The following CNBD1 variants were observed in gnomAD, a reference collection of about 807,000 sequenced individuals.
CNBD1 encodes cyclic nucleotide binding domain containing 1, also known as cyclic nucleotide-binding domain-containing protein 1.
CNBD1 carries 71 observed loss-of-function variants against 54.4 expected under a neutral mutation model. The observed-to-expected ratio is 1.30, with a 90% CI of 1.08 to 1.59. CNBD1 has a LOEUF of 1.59. Ranked by LOEUF, CNBD1 falls within the 40% of genes most tolerant of loss-of-function variation. CNBD1 has a pLI of 0.00. For missense variants in CNBD1, 659 were observed against 518.0 expected (o/e 1.27, Z -2.64); for synonymous variants, 182 against 170.7 (o/e 1.07, Z -0.51).
At chr8:87,089,382 T>C (rs1019984412) in intron 4 of CNBD1, among the ~76,000 whole-genome samples, 4 of 151,998 alleles carry the variant, frequency 2.6e-5, no homozygotes, top group African/African-American at 9.7e-5. Flanking sequence ...TAGAAAAAAA[T>C]CTAATGATGT....
intron 2 of CNBD1, among the ~76,000 whole-genome samples, chr8:87,393,362 A>G (rs369754871): frequency 6.6e-6 from 1 of 151,906 alleles, no homozygotes; most frequent in Non-Finnish European, 1.5e-5. Flanking sequence ...ATTAGATAAG[A>G]TGTGACCAAG....
At chr8:87,155,446 A>T (rs1449646035) in intron 4 of CNBD1, among the ~76,000 whole-genome samples, 5 of 152,220 alleles carry the variant, frequency 3.3e-5, no homozygotes, top group Non-Finnish European at 7.3e-5. Context: ...AATCCAGACA[A>T]GAATTAATCA....
In CNBD1 at chr8:87,338,997, G is replaced by A. The variant is rs1810009775; in HGVS notation, c.1043-12688G>A. Among the ~76,000 whole-genome samples, 4 of 152,026 alleles carry A rather than the reference G, an allele frequency of 2.6e-5. No homozygotes were observed. The South Asian group carries it at 8.3e-4, about 31-fold the overall frequency. On this transcript the variant is annotated intron_variant, in intron 8 of 10. Coordinates refer to ENST00000518476, the MANE Select transcript of CNBD1 (RefSeq NM_173538.3). ...TCACAGTTTTCTCTTCCTTTAGGTGGGACCAGAGGCCTAAAATGGGCTACA... is the reference window on the plus strand; with the variant it reads ...TCACAGTTTTCTCTTCCTTTAGGTGAGACCAGAGGCCTAAAATGGGCTACA...
At chr8:86,943,309 G>T (rs1490637272) in intron 4 of CNBD1, among the ~76,000 whole-genome samples, 1 of 145,232 alleles carries the variant, frequency 6.9e-6, no homozygotes, top group East Asian at 2.0e-4. Context: ...AACGCGGGAG[G>T]CGAGCCGAGA....
At chr8:87,420,329 C>G (rs1318043249) in intron 2 of CNBD1, among the ~76,000 whole-genome samples, 1 of 151,894 alleles carries the variant, frequency 6.6e-6, no homozygotes, top group East Asian at 1.9e-4. Flanking sequence ...TCCTGTAGAT[C>G]GATTTGACAT....
chr8:87,021,012 G>A (rs117210501), intron 4 of CNBD1, among the ~76,000 whole-genome samples: 5,807 of 152,240 alleles, frequency 0.038, 134 homozygotes, highest in Non-Finnish European at 0.054. Flanking sequence ...ACCAGAAAAT[G>A]TTCAAATTTC....
At chr8:87,069,055 G>A (rs1274418928) in intron 4 of CNBD1, among the ~76,000 whole-genome samples, 1 of 152,034 alleles carries the variant, frequency 6.6e-6, no homozygotes, top group Non-Finnish European at 1.5e-5. Flanking sequence ...ACAAGTCTTT[G>A]TTTCTATAAA....
intron 6 of CNBD1, among the ~76,000 whole-genome samples, chr8:87,277,902 C>T (rs1167829447): frequency 6.6e-6 from 1 of 151,500 alleles, no homozygotes; most frequent in Non-Finnish European, 1.5e-5. Flanking sequence ...GAAACAAACA[C>T]ACAGGTAATT....
At chr8:86,897,221 A>G (rs1308550741) in intron 2 of CNBD1, among the ~76,000 whole-genome samples, 1 of 152,232 alleles carries the variant, frequency 6.6e-6, no homozygotes, top group Non-Finnish European at 1.5e-5. Flanking sequence ...CCCGCAAATT[A>G]TATAGCTGGT....
chr8:87,343,496 A>T (rs6468778), intron 8 of CNBD1, among the ~76,000 whole-genome samples: 1 of 152,176 alleles, frequency 6.6e-6, no homozygotes, highest in African/African-American at 2.4e-5. Flanking sequence ...CGGTCCCTCC[A>T]TTCGGGGTCC....
chr8:87,089,578 G>T (rs954586970), intron 4 of CNBD1, among the ~76,000 whole-genome samples: 2 of 152,082 alleles, frequency 1.3e-5, no homozygotes, highest in Non-Finnish European at 2.9e-5. Flanking sequence ...TTTAAGGAAG[G>T]TTGGAAGACG....
intron 4 of CNBD1, among the ~76,000 whole-genome samples, chr8:86,944,327 A>G (rs1416672844): frequency 3.3e-5 from 5 of 152,218 alleles, no homozygotes; most frequent in African/African-American, 1.2e-4. Context: ...GTGGGAACAC[A>G]CAATATCTTT....
At chr8:86,913,942 T>C (rs1325018639) in intron 3 of CNBD1, among the ~76,000 whole-genome samples, 1 of 152,082 alleles carries the variant, frequency 6.6e-6, no homozygotes, top group African/African-American at 2.4e-5. Context: ...TAATTATTAA[T>C]ATTCCTTACT....
intron 4 of CNBD1, among the ~76,000 whole-genome samples, chr8:86,974,639 A>C (rs890373606): frequency 6.6e-6 from 1 of 152,044 alleles, no homozygotes; most frequent in Non-Finnish European, 1.5e-5. Flanking sequence ...TTAAATTTAA[A>C]GGTGAGAAGC....
chr8:87,362,847 T>C (rs1810551105), intron 10 of CNBD1, among the ~76,000 whole-genome samples: 1 of 152,058 alleles, frequency 6.6e-6, no homozygotes, highest in South Asian at 2.1e-4. Context: ...ATCAATCTTA[T>C]GGAGTTCATT....
chr8:87,046,383 C>A (rs1254355023), intron 4 of CNBD1, among the ~76,000 whole-genome samples: 1 of 152,146 alleles, frequency 6.6e-6, no homozygotes, highest in African/African-American at 2.4e-5. Context: ...AAGTAATAGA[C>A]CTCTGTGTTT....
chr8:87,165,661 T>C (rs986760556), intron 4 of CNBD1, among the ~76,000 whole-genome samples: 4 of 151,942 alleles, frequency 2.6e-5, no homozygotes, highest in African/African-American at 9.7e-5. Flanking sequence ...AGTGATTTTC[T>C]AGTAGGCGCA....
chr8:87,219,635 G>A (rs765389077), intron 5 of CNBD1, among the ~76,000 whole-genome samples: 3 of 151,908 alleles, frequency 2.0e-5, no homozygotes, highest in Non-Finnish European at 4.4e-5. Context: ...TACAGACTTG[G>A]AGCTTAGCTG....
chr8:87,240,090 A>G (rs913839113), intron 6 of CNBD1, among the ~76,000 whole-genome samples: 13 of 151,952 alleles, frequency 8.6e-5, no homozygotes, highest in Admixed American at 6.6e-4. Flanking sequence ...ACACACACAC[A>G]CACACACACA....
Sources: allele counts gnomAD v4.1 joint callset (sites outside exome capture counted in the v4.1 genomes callset), GRCh38; gene constraint gnomAD v4.1.1; transcripts MANE v1.5; gene names NCBI Gene and HGNC (gene_info 2026-07-23, HGNC 2026-07-21).